The following ALG8 variants were observed in gnomAD, a reference collection of about 807,000 sequenced individuals.
The protein encoded by ALG8 is dolichyl pyrophosphate Glc1Man9GlcNAc2 alpha-1,3-glucosyltransferase.
A neutral mutation model predicts 70.2 loss-of-function variants in ALG8; 48 were observed. The observed-to-expected ratio is 0.68, with a 90% confidence interval of 0.54 to 0.87. The LOEUF (loss-of-function observed/expected upper bound fraction) is 0.87. Ranked by LOEUF, ALG8 falls within the 40% of genes least tolerant of loss-of-function variation. ALG8 has a pLI of 0.00. For synonymous variants in ALG8, 234 were observed against 229.0 expected, an observed-to-expected ratio of 1.02 and a Z score of -0.20; for missense variants, 572 against 608.7, an observed-to-expected ratio of 0.94 and a Z score of 0.64.
chr11:78,133,753 T>C (rs1213234855), intron 1 of ALG8, among the ~76,000 whole-genome samples: 3 of 151,812 alleles, frequency 2.0e-5, no homozygotes, highest in Admixed American at 6.6e-5. Flanking sequence ...ACAAAAAAAA[T>C]TAGCCGGGCT....
chr11:78,123,503 CAA>C (rs1159790870), intron 3 of ALG8, among the ~76,000 whole-genome samples: 2 of 151,902 alleles, frequency 1.3e-5, no homozygotes, highest in African/African-American at 2.4e-5. Context: ...CTTAAAATAA[CAA>C]AGAGTCTTCA....
At chr11:78,127,820 C>T (rs1201348217) in intron 1 of ALG8, among the ~76,000 whole-genome samples, 7 of 151,668 alleles carry the variant, frequency 4.6e-5, no homozygotes, top group African/African-American at 7.3e-5. Context: ...CGCGAGTCTC[C>T]TGTCTCAGCC....
chr11:78,115,142 C>T (rs556446065), intron 5 of ALG8, among the ~76,000 whole-genome samples: 1 of 152,224 alleles, frequency 6.6e-6, no homozygotes, highest in African/African-American at 2.4e-5. Flanking sequence ...AAGCAATTCT[C>T]CTGTCTCAGC....
Position 78,109,466 on chromosome 11 carries a change from G to A in ALG8, c.1014C>T (p.Leu338=), listed in dbSNP as rs1399539947. The change falls in exon 9 of 13, where the codon CTC becomes CTT. Residue 338 remains leucine (L), a synonymous_variant. Coordinates refer to ENST00000299626, the MANE Select transcript of ALG8 (RefSeq NM_024079.5). ...VLPSVTPLAT[L]ICTLIAILPS... ...CCAATATGGCAATCAGTGTGCAGAT[G>A]AGGGTTGCCAAGGGAGTCACTGAGG... 2.5e-6 allele frequency: 4 copies of A among 1,614,158 alleles called. No individual in the cohort carries two copies. Among genetic ancestry groups the A allele is most frequent in the Non-Finnish European group, 3.4e-6 (4 of 1,180,024 alleles).
In ALG8 at chr11:78,124,062, G is replaced by C; in HGVS notation, c.327C>G (p.Ser109=). The C allele has an allele frequency of 6.2e-7, 1 of 1,614,058 alleles. No homozygotes were observed. Among genetic ancestry groups the C allele is most frequent in the South Asian group, 1.1e-5 (1 of 91,082 alleles). Residue 109 remains serine (S), a synonymous_variant, in exon 3 of 13, where the codon TCC becomes TCG. Transcript: ENST00000299626. ...CAAAGAGTACATCCATAAAGATGAC[G>C]GAAAATCTCTGGAAAAGTAAGGTCC... ...SSRTLLFQRF[S]VIFMDVLFVY... is the part of the protein sequence containing the mutation.
Position 78,101,146 on chromosome 11 carries a change from G to C in ALG8, c.1399C>G (p.Leu467Val). Residue 467 changes from leucine to valine, a missense_variant, in exon 13 of 13, where the codon CTG becomes GTG. Coordinates refer to ENST00000299626, the MANE Select transcript of ALG8 (RefSeq NM_024079.5). The stretch of plus-strand genomic sequence containing the variant: ...TCACAGCAGACTTCCAGAGGCCCCA[G>C]GCCAAGCAGGTAGAAAGTTTCCATC... ...NWMETFYLLG[L>V]GPLEVCCEFV... The C allele has an allele frequency of 6.2e-7, 1 of 1,614,190 alleles. No individual in the cohort carries two copies. The highest frequency in any genetic ancestry group is 8.5e-7 in the Non-Finnish European group (1 of 1,180,036).
chr11:78,114,697 G>C (rs776427733), intron 5 of ALG8: 1 of 429,210 alleles, frequency 2.3e-6, no homozygotes, highest in South Asian at 1.9e-5. Context: ...TAAGTGTGGT[G>C]ACTCACACCT....
rs1590810709 is a variant in ALG8, at chr11:78,109,534, T to C, written c.946A>G (p.Met316Val). The C allele has an allele frequency of 5.0e-6, 8 of 1,614,140 alleles. No individual in the cohort carries two copies. Among genetic ancestry groups the C allele is most frequent in the East Asian group, 2.2e-5 (1 of 44,890 alleles). Residue 316 changes from methionine (M) to valine (V), a missense_variant, in exon 9 of 13, where the codon ATG becomes GTG. By Grantham distance (21) the Met-to-Val change is conservative. Transcript: ENST00000299626. ...AACTGCTGAACCAAACCACTTGTCA[T>C]TGAGGCCTTGGGAATATTGTTGGGA... ...LDPNNIPKAS[M>V]TSGLVQQFQH...
Position 78,121,180 on chromosome 11 carries a change from T to C in ALG8, c.369-6A>G, listed in dbSNP as rs201483866. 382 of 1,597,696 alleles carry C rather than the reference T, an allele frequency of 2.4e-4. 1 individual carries two copies. In the African/African-American group the frequency reaches 3.1e-3, roughly 13 times the overall value. Reference sequence around the variant, plus strand: ...CATCAATGCATTTACAGCACCTACATTGAAACATTAGGAAAGAAACAGAAA... The same window carrying C: ...CATCAATGCATTTACAGCACCTACACTGAAACATTAGGAAAGAAACAGAAA... On this transcript the variant is annotated splice_region_variant and splice_polypyrimidine_tract_variant and intron_variant, in intron 3 of 12. Coordinates refer to ENST00000299626, the MANE Select transcript of ALG8 (RefSeq NM_024079.5).
At chr11:78,106,182 A>G (rs2850308) in intron 10 of ALG8, among the ~76,000 whole-genome samples, 130,396 of 152,104 alleles carry the variant, frequency 0.86, 56,292 homozygotes, top group African/African-American at 0.94. Context: ...ACGGGATGAC[A>G]CCAAAGCCCA....
intron 1 of ALG8, among the ~76,000 whole-genome samples, chr11:78,130,857 T>C (rs991236694): frequency 6.6e-6 from 1 of 152,146 alleles, no homozygotes; most frequent in Non-Finnish European, 1.5e-5. Context: ...ACACCCTAGA[T>C]TGAACTTATA....
chr11:78,111,326 A>G (rs1860279672), intron 8 of ALG8, among the ~76,000 whole-genome samples: 1 of 152,218 alleles, frequency 6.6e-6, no homozygotes, highest in Admixed American at 6.5e-5. Context: ...ATAACCTAGT[A>G]CTTTTTAAAT....
intron 10 of ALG8, among the ~76,000 whole-genome samples, chr11:78,106,524 T>C (rs1860040171): frequency 6.6e-6 from 1 of 152,100 alleles, no homozygotes; most frequent in Non-Finnish European, 1.5e-5. Flanking sequence ...TAACATACTG[T>C]CCCTCAATGA....
At chr11:78,118,043 C>G (rs1246888785) in intron 5 of ALG8, among the ~76,000 whole-genome samples, 1 of 148,882 alleles carries the variant, frequency 6.7e-6, no homozygotes, top group Admixed American at 6.7e-5. Flanking sequence ...TGCACTCCAG[C>G]CTGGGAGACA....
intron 8 of ALG8, 142 bp downstream of exon 8, chr11:78,112,508 C>T: frequency 7.9e-7 from 1 of 1,260,478 alleles, no homozygotes. Context: ...AACTGCTCCC[C>T]CTGTTCATCC....
At position 78,109,601 on chromosome 11, in the gene ALG8, TTTTG is replaced by T; in HGVS notation, c.899-24_899-21del. 1 of 1,604,036 alleles carries T rather than the reference TTTTG, an allele frequency of 6.2e-7. No homozygotes were observed. On this transcript the variant is annotated intron_variant, in intron 8 of 12. Transcript: ENST00000299626. Reference sequence around the variant, plus strand: ...TCAAACCTATTAAACAGATATTTTGTTTTGTTTTATTTTTATCTTTATTACTGAG... The same window carrying T: ...TCAAACCTATTAAACAGATATTTTGTTTTTATTTTTATCTTTATTACTGAG...
intron 12 of ALG8, among the ~76,000 whole-genome samples, chr11:78,101,567 C>T (rs1859799115): frequency 6.6e-6 from 1 of 151,852 alleles, no homozygotes; most frequent in Non-Finnish European, 1.5e-5. Context: ...TGCAGTGAGT[C>T]GATATGGCAC....
At chr11:78,108,013 C>T in intron 9 of ALG8, among the ~76,000 whole-genome samples, 1 of 151,818 alleles carries the variant, frequency 6.6e-6, no homozygotes. Flanking sequence ...GGTGTGGTGG[C>T]TCAGGCCTAT....
rs541209584 is a variant in ALG8 at position 78,120,408 on chromosome 11, G to A, written c.478+657C>T. On this transcript the variant is annotated intron_variant, in intron 4 of 12. Coordinates refer to ENST00000299626, the MANE Select transcript of ALG8 (RefSeq NM_024079.5). ...ATGTATTAAGCCTCACAATGAACCT[G>A]TGAGGTATTTAGAATTTTCCTCTTT... Among the ~76,000 whole-genome samples the A allele has an allele frequency of 1.7e-3, 259 of 152,272 alleles. 2 individuals are homozygous for A. The highest frequency in any genetic ancestry group is 4.3e-3 in the Admixed American group (66 of 15,296).
Sources: allele counts gnomAD v4.1 joint callset (sites outside exome capture counted in the v4.1 genomes callset), GRCh38; gene constraint gnomAD v4.1.1; transcripts MANE v1.5; gene names NCBI Gene and HGNC (gene_info 2026-07-23, HGNC 2026-07-21).